MLLT10: variants seen among roughly 807,000 people sequenced by gnomAD.
MLLT10 encodes the protein protein AF-10.
A neutral mutation model predicts 129.1 loss-of-function variants in MLLT10; 30 were observed. The ratio of observed to expected loss-of-function variants is 0.23; its 90% CI spans 0.17 to 0.32. The LOEUF is 0.32. MLLT10 is among the 10% of genes least tolerant of loss of function. The pLI is 1.00. For synonymous variants in MLLT10, 490 were observed against 446.4 expected (o/e 1.10, Z -1.23); for missense variants, 1,119 against 1,268.3 (o/e 0.88, Z 1.79).
chr10:21,734,325 T>TAACA (rs777005966), intron 20 of MLLT10, among the ~76,000 whole-genome samples, 196 bp downstream of exon 20: 2 of 152,340 alleles, frequency 1.3e-5, no homozygotes, highest in South Asian at 4.1e-4. Context: ...TTACTTTTAG[T>TAACA]AACAGCATTA....
chr10:21,626,349 C>G (rs1336865787), intron 8 of MLLT10: 2 of 740,330 alleles, frequency 2.7e-6, no homozygotes, highest in Non-Finnish European at 4.6e-6. Context: ...TTGAAAATGA[C>G]TAGAAATCTC....
At chr10:21,569,489 C>T (rs2039968353) in intron 3 of MLLT10, among the ~76,000 whole-genome samples, 1 of 149,230 alleles carries the variant, frequency 6.7e-6, no homozygotes, top group Non-Finnish European at 1.5e-5. Context: ...GGCGTGATCT[C>T]GGCTCACTGC....
At chr10:21,641,235 A>T (rs903193230) in intron 8 of MLLT10, among the ~76,000 whole-genome samples, 2 of 152,246 alleles carry the variant, frequency 1.3e-5, no homozygotes, top group Admixed American at 6.5e-5. Flanking sequence ...AGAGAATGAC[A>T]GAAGACAGAG....
chr10:21,619,267 A>C (rs2045575782), intron 8 of MLLT10, among the ~76,000 whole-genome samples: 1 of 152,194 alleles, frequency 6.6e-6, no homozygotes, highest in South Asian at 2.1e-4. Context: ...TTAAGTCATC[A>C]ACTAAGGATT....
chr10:21,666,682 A>T (rs952877378), intron 9 of MLLT10, among the ~76,000 whole-genome samples: 9 of 151,722 alleles, frequency 5.9e-5, no homozygotes, highest in South Asian at 2.1e-4. Context: ...AATAAATAAA[A>T]AAGTAAAATA....
intron 3 of MLLT10, among the ~76,000 whole-genome samples, chr10:21,584,024 C>G (rs1168245765): frequency 6.6e-6 from 1 of 152,012 alleles, no homozygotes; most frequent in African/African-American, 2.4e-5. Flanking sequence ...CGCCTGCCAC[C>G]ACGCCCGGCT....
chr10:21,534,985 C>G (rs1406088729), intron 2 of MLLT10, among the ~76,000 whole-genome samples, 181 bp downstream of exon 2: 1 of 149,378 alleles, frequency 6.7e-6, no homozygotes, highest in East Asian at 2.0e-4. Flanking sequence ...GCGTGTGGCC[C>G]GGACTGTCAT....
At chr10:21,683,185 T>C (rs2052922923) in intron 13 of MLLT10, among the ~76,000 whole-genome samples, 1 of 152,098 alleles carries the variant, frequency 6.6e-6, no homozygotes, top group Non-Finnish European at 1.5e-5. Context: ...GCATAGACAC[T>C]CTTGTTGCCT....
intron 5 of MLLT10, among the ~76,000 whole-genome samples, chr10:21,609,273 C>T (rs2044362713): frequency 6.6e-6 from 1 of 152,170 alleles, no homozygotes; most frequent in South Asian, 2.1e-4. Flanking sequence ...ACACTATTTT[C>T]CAAGGATATC....
chr10:21,737,724 G>A (rs1002295418), intron 21 of MLLT10, among the ~76,000 whole-genome samples: 3 of 152,032 alleles, frequency 2.0e-5, no homozygotes, highest in African/African-American at 7.2e-5. Context: ...GTGCAGGGCA[G>A]GCCTGGCCCT....
At chr10:21,701,911 T>TTCTCGTCTCGTCTCG (rs559249879) in intron 13 of MLLT10, among the ~76,000 whole-genome samples, 14 of 150,366 alleles carry the variant, frequency 9.3e-5, no homozygotes, top group East Asian at 7.8e-4. Context: ...TTCTCTTCTC[T>TTCTCGTCTCGTCTCG]TCTCGTCTCG....
At chr10:21,695,914 C>A (rs1342762213) in intron 13 of MLLT10, among the ~76,000 whole-genome samples, 1 of 150,896 alleles carries the variant, frequency 6.6e-6, no homozygotes, top group Non-Finnish European at 1.5e-5. Context: ...TTATTTTCTC[C>A]CTATGATGTG....
intron 10 of MLLT10, 49 bp from the exon 11 acceptor site, chr10:21,673,301 T>TGGCCCCCCCCCCCC: frequency 4.2e-6 from 1 of 237,942 alleles, no homozygotes; most frequent in African/African-American, 1.0e-4. Flanking sequence ...AATTTTTCTG[T>TGGCCCCCCCCCCCC]CCCCCCCACC....
intron 8 of MLLT10, chr10:21,625,417 G>GTT (rs2046336162): frequency 2.4e-6 from 2 of 847,886 alleles, no homozygotes; most frequent in Middle Eastern, 2.8e-4. Context: ...CTGTGCCCAA[G>GTT]TTTCTCACAA....
chr10:21,633,220 A>G (rs571736164), intron 8 of MLLT10, among the ~76,000 whole-genome samples: 7 of 152,366 alleles, frequency 4.6e-5, no homozygotes, highest in Admixed American at 1.3e-4. Flanking sequence ...TAGTTAGTAC[A>G]TGTAAAATGT....
chr10:21,615,163 T>C (rs548155107), intron 7 of MLLT10, among the ~76,000 whole-genome samples: 80 of 152,150 alleles, frequency 5.3e-4, no homozygotes, highest in Middle Eastern at 6.8e-3. Context: ...ATTTAGAATA[T>C]ATATTAATAT....
chr10:21,577,154 T>A (rs904353348), intron 3 of MLLT10, among the ~76,000 whole-genome samples: 17 of 152,248 alleles, frequency 1.1e-4, no homozygotes, highest in Non-Finnish European at 1.9e-4. Flanking sequence ...GGCTTCTTTC[T>A]CCTAGCATAA....
At chr10:21,556,924 CAAG>C (rs775978786) in intron 3 of MLLT10, 153 of 1,549,852 alleles carry the variant, frequency 9.9e-5, no homozygotes, top group Non-Finnish European at 1.2e-4. Flanking sequence ...TTTGGCGTTT[CAAG>C]AAGGAGAGGT....
At chr10:21,575,888 C>G (rs2040680006) in intron 3 of MLLT10, among the ~76,000 whole-genome samples, 1 of 152,056 alleles carries the variant, frequency 6.6e-6, no homozygotes, top group South Asian at 2.1e-4. Flanking sequence ...CCTCTCTTTA[C>G]TATGTAGCCA....
Sources: gnomAD v4.1 joint callset for allele counts (sites outside exome capture counted in the v4.1 genomes callset) on GRCh38, gnomAD v4.1.1 for gene constraint, MANE v1.5 for transcripts, NCBI Gene and HGNC (gene_info 2026-07-23, HGNC 2026-07-21) for gene names.